Variants in TMC1 observed in about 807,000 individuals in gnomAD.
The protein encoded by TMC1 is transmembrane channel-like protein 1.
TMC1 carries 84 observed loss-of-function variants against 105.8 expected under a neutral mutation model. That is an observed-to-expected ratio of 0.79 (90% CI 0.67 to 0.95). The LOEUF is 0.95. TMC1 is among the 40% of genes least tolerant of loss of function. The pLI is 0.00. For synonymous variants in TMC1, 315 were observed against 311.5 expected, an observed-to-expected ratio of 1.01 and a Z score of -0.12; for missense variants, 817 against 914.1, an observed-to-expected ratio of 0.89 and a Z score of 1.37.
At chr9:72,570,712 A>T (rs1824265024) in intron 1 of TMC1, among the ~76,000 whole-genome samples, 1 of 100,634 alleles carries the variant, frequency 9.9e-6, no homozygotes, top group South Asian at 3.4e-4. Flanking sequence ...TTTTTGAGAC[A>T]GAGTCTTGCT....
chr9:72,585,698 G>T (rs999739462), intron 2 of TMC1, among the ~76,000 whole-genome samples: 4 of 152,196 alleles, frequency 2.6e-5, no homozygotes, highest in Non-Finnish European at 5.9e-5. Context: ...CCTGGGAGAA[G>T]TTGTCAGTGG....
At chr9:72,725,323 A>G (rs1630623) in intron 8 of TMC1, among the ~76,000 whole-genome samples, 31,391 of 106,232 alleles carry the variant, frequency 0.3, 4,394 homozygotes, top group East Asian at 0.46. Flanking sequence ...TTATGTGTGT[A>G]TGTATATATA....
At chr9:72,638,272 C>G (rs890390203) in intron 4 of TMC1, among the ~76,000 whole-genome samples, 1 of 152,102 alleles carries the variant, frequency 6.6e-6, no homozygotes, top group African/African-American at 2.4e-5. Flanking sequence ...TCTATCACTC[C>G]CCACACACTA....
At chr9:72,575,694 T>C (rs1259976627) in intron 1 of TMC1, among the ~76,000 whole-genome samples, 1 of 152,150 alleles carries the variant, frequency 6.6e-6, no homozygotes, top group African/African-American at 2.4e-5. Context: ...AGAAGCCTCA[T>C]ATGAGAAGGA....
intron 18 of TMC1, among the ~76,000 whole-genome samples, chr9:72,806,295 A>AGTT (rs1828581227): frequency 8.2e-6 from 1 of 121,268 alleles, no homozygotes; most frequent in Non-Finnish European, 1.8e-5. Flanking sequence ...CAGTAGGGGC[A>AGTT]GCCGGGCAGA....
chr9:72,817,188 C>A (rs1384572474), intron 19 of TMC1: 2 of 152,136 alleles, frequency 1.3e-5, no homozygotes, highest in Non-Finnish European at 2.9e-5. Flanking sequence ...CTCTCCAGGG[C>A]TCCATCGTCC....
intron 8 of TMC1, among the ~76,000 whole-genome samples, chr9:72,738,961 A>AT (rs1377891344): frequency 1.3e-5 from 2 of 151,496 alleles, no homozygotes; most frequent in East Asian, 3.9e-4. Context: ...GATTGCCTCT[A>AT]TTTGTAATTT....
At chr9:72,609,179 C>CCCTTCCTTCCTTCCTT (rs60808924) in intron 2 of TMC1, among the ~76,000 whole-genome samples, 3,302 of 136,096 alleles carry the variant, frequency 0.024, 73 homozygotes, top group African/African-American at 0.041. Flanking sequence ...CTTCCTCCTT[C>CCCTTCCTTCCTTCCTT]CCTTCCTTCC....
chr9:72,667,224 C>T (rs1826057715), intron 5 of TMC1, among the ~76,000 whole-genome samples: 1 of 152,182 alleles, frequency 6.6e-6, no homozygotes, highest in African/African-American at 2.4e-5. Flanking sequence ...TTTGCATCCT[C>T]AGTAAGGTGA....
chr9:72,709,484 T>A (rs570572901), intron 8 of TMC1, among the ~76,000 whole-genome samples: 1 of 152,296 alleles, frequency 6.6e-6, no homozygotes, highest in East Asian at 1.9e-4. Context: ...CTGGACTTTT[T>A]TTTGTTGGTA....
chr9:72,753,248 T>C (rs1007110165), intron 11 of TMC1, among the ~76,000 whole-genome samples: 5 of 150,758 alleles, frequency 3.3e-5, no homozygotes, highest in Non-Finnish European at 1.5e-5. Flanking sequence ...GTAATGAAGC[T>C]GAATGTGTGT....
At chr9:72,668,988 A>G (rs1316879944) in intron 5 of TMC1, among the ~76,000 whole-genome samples, 1 of 152,200 alleles carries the variant, frequency 6.6e-6, no homozygotes, top group Non-Finnish European at 1.5e-5. Flanking sequence ...GAAAACAAAA[A>G]CATAACACAA....
chr9:72,543,049 A>AT (rs962447923), intron 1 of TMC1, among the ~76,000 whole-genome samples: 8 of 151,848 alleles, frequency 5.3e-5, no homozygotes, highest in Non-Finnish European at 1.0e-4. Context: ...CTATGTGATA[A>AT]TTTTTTTTAA....
chr9:72,828,904 TTAAG>T (rs1467375055), intron 21 of TMC1, among the ~76,000 whole-genome samples: 1 of 152,208 alleles, frequency 6.6e-6, no homozygotes, highest in Admixed American at 6.5e-5. Flanking sequence ...AGGCTCTTAA[TTAAG>T]TAATTACTAA....
rs377123508 is a variant in TMC1, at chr9:72,552,424, A to G, written c.-427-25478A>G. Among the ~76,000 whole-genome samples the G allele has an allele frequency of 8.5e-5, 13 of 152,278 alleles. No individual in the cohort carries two copies. In the South Asian group the frequency reaches 2.5e-3, roughly 29 times the overall value. On this transcript the variant is annotated intron_variant, in intron 1 of 23. Coordinates refer to ENST00000297784, the MANE Select transcript of TMC1 (RefSeq NM_138691.3). ...GAAAACTAAGAGGGAGGGTGGATAGAGGAGTCTGGAGACCGACTAACCTTC... is the reference window on the plus strand; with the variant it reads ...GAAAACTAAGAGGGAGGGTGGATAGGGGAGTCTGGAGACCGACTAACCTTC...
intron 4 of TMC1, among the ~76,000 whole-genome samples, chr9:72,632,690 C>T (rs940238838): frequency 1.3e-5 from 2 of 151,688 alleles, no homozygotes; most frequent in Admixed American, 1.3e-4. Flanking sequence ...TGGAAAGGCT[C>T]ACAAATTCCA....
At chr9:72,706,778 C>CTTT (rs370448287) in intron 8 of TMC1, among the ~76,000 whole-genome samples, 2 of 142,696 alleles carry the variant, frequency 1.4e-5, no homozygotes, top group South Asian at 2.2e-4. Context: ...TTCTTTCTTT[C>CTTT]TTTTTTTTTT....
At chr9:72,578,263 C>CGT (rs1491491846) in intron 2 of TMC1, 1 of 132,460 alleles carries the variant, frequency 7.5e-6, no homozygotes, top group African/African-American at 2.7e-5. Flanking sequence ...CACGCGCGCA[C>CGT]GCGTGTGTGT....
rs141473671 is a variant in TMC1, at chr9:72,787,642, C to CATAT, written c.885-683_885-680dup. Reference sequence around the variant, plus strand: ...GCATTTTAAGCTCTTCATGCAAATACATATATATATATATATACACACATA... The same window carrying CATAT: ...GCATTTTAAGCTCTTCATGCAAATACATATATATATATATATATATACACACATA... On this transcript the variant is annotated intron_variant, in intron 13 of 23. Transcript: ENST00000297784. Among the ~76,000 whole-genome samples the CATAT allele has an allele frequency of 2.8e-3, 417 of 148,140 alleles. 2 individuals are homozygous for CATAT. The highest frequency in any genetic ancestry group is 8.9e-3 in the African/African-American group (359 of 40,534).
Sources: gnomAD v4.1 joint callset for allele counts (sites outside exome capture counted in the v4.1 genomes callset) on GRCh38, gnomAD v4.1.1 for gene constraint, MANE v1.5 for transcripts, NCBI Gene and HGNC (gene_info 2026-07-23, HGNC 2026-07-21) for gene names.